OSBPL10: variants seen among roughly 807,000 people sequenced by gnomAD.
OSBPL10 encodes oxysterol binding protein like 10.
In OSBPL10, 49 loss-of-function variants were observed where a neutral mutation model predicts 81.7. The observed-to-expected ratio is 0.60, with a 90% CI of 0.48 to 0.76. The LOEUF (loss-of-function observed/expected upper bound fraction) is 0.76. OSBPL10 is among the 30% of genes least tolerant of loss of function. The pLI is 0.00. For synonymous variants in OSBPL10, 419 were observed against 383.6 expected, an observed-to-expected ratio of 1.09 and a Z score of -1.08; for missense variants, 923 against 987.8, an observed-to-expected ratio of 0.93 and a Z score of 0.88.
chr3:31,914,648 A>G (rs1696696761), intron 1 of OSBPL10, among the ~76,000 whole-genome samples: 1 of 152,226 alleles, frequency 6.6e-6, no homozygotes, highest in African/African-American at 2.4e-5. Context: ...TAGTTACCGC[A>G]AATGAGGTGT....
intron 1 of OSBPL10, among the ~76,000 whole-genome samples, chr3:31,918,431 C>T (rs919584622): frequency 1.3e-4 from 19 of 151,746 alleles, no homozygotes; most frequent in African/African-American, 3.6e-4. Flanking sequence ...TGGGCTCAAA[C>T]GATCCTCCTG....
At chr3:31,880,135 G>A (rs2125638796) in intron 1 of OSBPL10, among the ~76,000 whole-genome samples, 1 of 152,354 alleles carries the variant, frequency 6.6e-6, no homozygotes, top group Middle Eastern at 3.4e-3. Flanking sequence ...CAGAATGACA[G>A]AGACTGGCAG....
chr3:32,033,926 A>G (rs778241935), intron 2 of OSBPL10, among the ~76,000 whole-genome samples: 7 of 152,154 alleles, frequency 4.6e-5, no homozygotes, highest in Non-Finnish European at 7.3e-5. Flanking sequence ...AGAAATATCC[A>G]AGACTGGGTA....
At chr3:32,014,086 C>T (rs1699290246) in intron 2 of OSBPL10, among the ~76,000 whole-genome samples, 2 of 152,212 alleles carry the variant, frequency 1.3e-5, no homozygotes, top group South Asian at 4.1e-4. Flanking sequence ...TCCTCACTAA[C>T]TCATTTTATG....
chr3:31,939,270 G>A (rs570911923), intron 1 of OSBPL10, among the ~76,000 whole-genome samples: 3 of 149,584 alleles, frequency 2.0e-5, no homozygotes, highest in East Asian at 2.0e-4. Context: ...TCAGCCTCCC[G>A]AGTAGCTGGG....
Position 31,842,089 on chromosome 3 carries a change from A to C in OSBPL10, c.538-11858T>G, listed in dbSNP as rs1217200309. On this transcript the variant is annotated intron_variant, in intron 3 of 11. Transcript: ENST00000396556. ...GCTTTACATCAGGGAGATGATGCAGAAACTCGAGCAGCAAGCCTACGCTTG... is the reference window on the plus strand; with the variant it reads ...GCTTTACATCAGGGAGATGATGCAGCAACTCGAGCAGCAAGCCTACGCTTG... Among the ~76,000 whole-genome samples, 4 of 152,254 alleles carry C rather than the reference A, an allele frequency of 2.6e-5. No individual in the cohort carries two copies. In the East Asian group the frequency reaches 7.7e-4, roughly 29 times the overall value.
At chr3:31,695,168 A>G (rs1695675375) in intron 7 of OSBPL10, among the ~76,000 whole-genome samples, 1 of 152,232 alleles carries the variant, frequency 6.6e-6, no homozygotes, top group Admixed American at 6.5e-5. Flanking sequence ...CACAGTCTGC[A>G]TCCCCCACCT....
intron 1 of OSBPL10, among the ~76,000 whole-genome samples, chr3:32,051,889 A>T (rs899581133): frequency 4.6e-5 from 7 of 152,242 alleles, no homozygotes; most frequent in Non-Finnish European, 7.3e-5. Flanking sequence ...TCAGAAAAAT[A>T]AAAACTGTAA....
chr3:31,916,159 A>G (rs895500727), intron 1 of OSBPL10, among the ~76,000 whole-genome samples: 3 of 152,146 alleles, frequency 2.0e-5, no homozygotes, highest in African/African-American at 7.2e-5. Flanking sequence ...AATGTACAAT[A>G]AGTATGCATG....
In OSBPL10 at chr3:31,683,974, A is replaced by G; in HGVS notation, c.1386T>C (p.Tyr462=). Residue 462 remains tyrosine (Y), a synonymous_variant, in exon 8 of 12, where the codon TAT becomes TAC. Transcript: ENST00000396556. ...EERVICFVEY[Y]LTAFHEGRKG... ...TGCGGCCCTCGTGAAAGGCTGTGAG[A>G]TAATACTCAACGAAGCAAATGACTC... 2 of 1,614,254 alleles carry G rather than the reference A, an allele frequency of 1.2e-6. No individual in the cohort carries two copies. The highest frequency in any genetic ancestry group is 1.7e-6 in the Non-Finnish European group (2 of 1,180,056).
chr3:31,971,397 C>T (rs1698564160), intron 1 of OSBPL10, among the ~76,000 whole-genome samples: 1 of 152,172 alleles, frequency 6.6e-6, no homozygotes, highest in East Asian at 1.9e-4. Context: ...ACCTCGGCCT[C>T]CCAGTGTGCT....
intron 2 of OSBPL10, among the ~76,000 whole-genome samples, chr3:32,021,730 T>C (rs538042691): frequency 9.9e-5 from 15 of 152,264 alleles, no homozygotes; most frequent in South Asian, 6.2e-4. Context: ...TTCTAGCATT[T>C]TGGGAGGCTG....
At chr3:31,733,114 T>A in intron 6 of OSBPL10, 143 bp downstream of exon 6, 1 of 1,166,522 alleles carries the variant, frequency 8.6e-7, no homozygotes, top group East Asian at 2.6e-5. Flanking sequence ...ACATAGCTGA[T>A]TTTGTCTCTC....
chr3:31,837,324 TATATA>T (rs1700379751), intron 3 of OSBPL10, among the ~76,000 whole-genome samples: 3 of 3,344 alleles, frequency 9.0e-4, no homozygotes, highest in Non-Finnish European at 1.8e-3. Flanking sequence ...CCCCAAATTA[TATATA>T]TATATATATA....
chr3:31,757,461 T>C (rs1311553461), intron 4 of OSBPL10, among the ~76,000 whole-genome samples: 2 of 152,198 alleles, frequency 1.3e-5, no homozygotes, highest in East Asian at 1.9e-4. Flanking sequence ...CCTTTTCTCA[T>C]GGTGCTCAGA....
intron 1 of OSBPL10, among the ~76,000 whole-genome samples, chr3:31,925,717 G>A (rs969095372): frequency 6.6e-6 from 1 of 152,132 alleles, no homozygotes; most frequent in African/African-American, 2.4e-5. Flanking sequence ...GGAGGCTGAA[G>A]CAGGAGAAGT....
chr3:31,859,844 T>C (rs1473519539), intron 3 of OSBPL10, among the ~76,000 whole-genome samples: 3 of 152,218 alleles, frequency 2.0e-5, no homozygotes, highest in East Asian at 1.9e-4. Context: ...CCTTGTAGTA[T>C]AATCACATTT....
intron 1 of OSBPL10, among the ~76,000 whole-genome samples, chr3:31,892,300 G>A (rs761994445): frequency 1.3e-5 from 2 of 152,212 alleles, no homozygotes; most frequent in African/African-American, 2.4e-5. Context: ...GGCTAAAGAC[G>A]TAGGCAATGC....
chr3:31,694,457 A>C (rs1347530953), intron 7 of OSBPL10, among the ~76,000 whole-genome samples: 1 of 151,118 alleles, frequency 6.6e-6, no homozygotes, highest in African/African-American at 2.4e-5. Flanking sequence ...TATCTGTTCA[A>C]TATTAAATTT....
Sources: gnomAD v4.1 joint callset for allele counts (sites outside exome capture counted in the v4.1 genomes callset) on GRCh38, gnomAD v4.1.1 for gene constraint, MANE v1.5 for transcripts, NCBI Gene and HGNC (gene_info 2026-07-23, HGNC 2026-07-21) for gene names.